CEP112: variants seen among roughly 807,000 people sequenced by gnomAD.
CEP112 encodes the protein centrosomal protein of 112 kDa.
A neutral mutation model predicts 153.0 loss-of-function variants in CEP112; 127 were observed. The ratio of observed to expected loss-of-function variants is 0.83; its 90% CI spans 0.72 to 0.96. The LOEUF (loss-of-function observed/expected upper bound fraction) is 0.96. CEP112 is among the 40% of genes least tolerant of loss of function. CEP112 has a pLI of 0.00. For missense variants in CEP112, 1,089 were observed against 1,101.2 expected (o/e 0.99, Z 0.16); for synonymous variants, 358 against 374.4 (o/e 0.96, Z 0.51).
intron 6 of CEP112, among the ~76,000 whole-genome samples, chr17:66,117,528 C>T (rs1418718526): frequency 6.6e-6 from 1 of 152,148 alleles, no homozygotes; most frequent in Non-Finnish European, 1.5e-5. Flanking sequence ...TGAGCTTTGA[C>T]AAAAGAATAC....
At chr17:66,174,439 A>G (rs1285129572) in intron 4 of CEP112, among the ~76,000 whole-genome samples, 1 of 152,212 alleles carries the variant, frequency 6.6e-6, no homozygotes, top group Non-Finnish European at 1.5e-5. Flanking sequence ...AAGGAATTAT[A>G]AAGTATGGTA....
chr17:65,734,154 A>G (rs1399184359), intron 23 of CEP112, among the ~76,000 whole-genome samples: 1 of 152,192 alleles, frequency 6.6e-6, no homozygotes, highest in Non-Finnish European at 1.5e-5. Context: ...GTAATACAGC[A>G]AACACTTCAT....
chr17:66,183,396 G>A, intron 1 of CEP112, 89 bp from the exon 2 acceptor site: 1 of 829,970 alleles, frequency 1.2e-6, no homozygotes, highest in South Asian at 2.0e-5. Context: ...ACTCTTAAGT[G>A]TTAGATATCA....
intron 23 of CEP112, among the ~76,000 whole-genome samples, chr17:65,696,368 G>A (rs900204148): frequency 2.0e-5 from 3 of 152,134 alleles, no homozygotes; most frequent in African/African-American, 7.2e-5. Flanking sequence ...CTGTCCGTAG[G>A]TTCACCCACA....
chr17:65,930,843 G>T (rs1213549232), intron 18 of CEP112, among the ~76,000 whole-genome samples: 1 of 135,816 alleles, frequency 7.4e-6, no homozygotes, highest in Non-Finnish European at 1.6e-5. Context: ...CATACTATCA[G>T]TAGGTCTTTT....
chr17:65,707,711 T>G (rs2048987233), intron 23 of CEP112, among the ~76,000 whole-genome samples: 1 of 152,216 alleles, frequency 6.6e-6, no homozygotes, highest in African/African-American at 2.4e-5. Flanking sequence ...GTATAAGCAT[T>G]TTCTTGTCAC....
chr17:66,099,504 C>CAAAAAAAAAAAAAAAAAAAAAGAAAAA, intron 6 of CEP112, among the ~76,000 whole-genome samples: 1 of 113,966 alleles, frequency 8.8e-6, no homozygotes. Flanking sequence ...AACTCTGTCT[C>CAAAAAAAAAAAAAAAAAAAAAGAAAAA]AAAAAAAAAA....
intron 23 of CEP112, 88 bp from the exon 24 acceptor site, chr17:65,689,306 C>T: frequency 1.2e-6 from 1 of 863,368 alleles, no homozygotes; most frequent in Non-Finnish European, 1.9e-6. Context: ...AAAAAGGCCT[C>T]AGATCTCTAG....
At chr17:65,921,754 T>G (rs989697844) in intron 19 of CEP112, among the ~76,000 whole-genome samples, 43 of 152,340 alleles carry the variant, frequency 2.8e-4, no homozygotes, top group African/African-American at 1.0e-3. Flanking sequence ...GTATCAATTC[T>G]TTAAAGAATT....
intron 6 of CEP112, among the ~76,000 whole-genome samples, chr17:66,126,250 C>A (rs982365169): frequency 6.6e-6 from 1 of 152,280 alleles, no homozygotes. Context: ...ACAAATAATT[C>A]CTAGTCAACA....
intron 18 of CEP112, among the ~76,000 whole-genome samples, chr17:65,937,346 G>C (rs201003129): frequency 0.23 from 18,146 of 79,520 alleles, 2,156 homozygotes; most frequent in East Asian, 0.67. Context: ...GCCTCTTCCC[G>C]GCCGCCATCC....
chr17:66,156,896 G>A (rs1047572209), intron 4 of CEP112, among the ~76,000 whole-genome samples: 4 of 152,286 alleles, frequency 2.6e-5, no homozygotes, highest in South Asian at 2.1e-4. Context: ...CCAAATTTAC[G>A]TCTGATTGGT....
chr17:66,169,285 T>C (rs979283855), intron 4 of CEP112, among the ~76,000 whole-genome samples: 4 of 145,760 alleles, frequency 2.7e-5, no homozygotes, highest in Admixed American at 2.0e-4. Flanking sequence ...ATTTCTTCTT[T>C]TTTTTTTTTT....
chr17:65,957,838 C>A lies in CEP112; in HGVS notation c.1872+3625G>T, dbSNP rs183020958. On this transcript the variant is annotated intron_variant, in intron 18 of 26. Transcript: ENST00000535342. ...TATTAATGCTCATATTTAAACATTA[C>A]AAAATTATTTTTACCTACATTTCCC... Among the ~76,000 whole-genome samples, 1,164 of 152,138 alleles carry A rather than the reference C, an allele frequency of 7.7e-3. 12 individuals carry two copies. Among genetic ancestry groups the A allele is most frequent in the African/African-American group, 0.026 (1,085 of 41,506 alleles).
At chr17:66,113,994 T>C (rs1426315449) in intron 6 of CEP112, among the ~76,000 whole-genome samples, 2 of 152,206 alleles carry the variant, frequency 1.3e-5, no homozygotes, top group Admixed American at 6.5e-5. Flanking sequence ...GAAAAGTTCT[T>C]CTTCTCTCAT....
At chr17:65,848,449 T>C (rs2057804884) in intron 21 of CEP112, among the ~76,000 whole-genome samples, 1 of 152,134 alleles carries the variant, frequency 6.6e-6, no homozygotes, top group South Asian at 2.1e-4. Flanking sequence ...TCTTCTCATG[T>C]TCCTTCTACC....
intron 21 of CEP112, among the ~76,000 whole-genome samples, chr17:65,752,934 A>G (rs1241896996): frequency 6.6e-6 from 1 of 152,188 alleles, no homozygotes; most frequent in African/African-American, 2.4e-5. Context: ...AGAGGTTCTG[A>G]TTCAATTTAT....
In CEP112 at chr17:66,110,863, T is replaced by A. The variant is rs143892146; in HGVS notation, c.643-14231A>T. On this transcript the variant is annotated intron_variant, in intron 6 of 26. Coordinates refer to ENST00000535342, the MANE Select transcript of CEP112 (RefSeq NM_001199165.4). The stretch of plus-strand genomic sequence containing the variant: ...CAAAAGCAAAAATTGACAAGTGGGA[T>A]CTAGTTAAACTTAAGAGCTTCTGCA... Among the ~76,000 whole-genome samples, 147 of 152,226 alleles carry A rather than the reference T, an allele frequency of 9.7e-4. 3 individuals are homozygous for A. The East Asian group carries it at 0.024, about 25-fold the overall frequency.
At chr17:65,937,492 T>C (rs1599073954) in intron 18 of CEP112, among the ~76,000 whole-genome samples, 2 of 121,256 alleles carry the variant, frequency 1.6e-5, no homozygotes, top group African/African-American at 2.8e-5. Context: ...GAGGAGACCC[T>C]CTGCCTGGCA....
Sources: allele counts gnomAD v4.1 joint callset (sites outside exome capture counted in the v4.1 genomes callset), GRCh38; gene constraint gnomAD v4.1.1; transcripts MANE v1.5; gene names NCBI Gene and HGNC (gene_info 2026-07-23, HGNC 2026-07-21).